ASB18: variants seen among roughly 807,000 people sequenced by gnomAD.
The protein encoded by ASB18 is ankyrin repeat and SOCS box protein 18.
A neutral mutation model predicts 33.4 loss-of-function variants in ASB18; 33 were observed. The ratio of observed to expected loss-of-function variants is 0.99; its 90% CI spans 0.75 to 1.32. The LOEUF is 1.32. Ranked by LOEUF, ASB18 falls within the 40% of genes most tolerant of loss-of-function variation. The pLI is 0.00. For missense variants in ASB18, 694 were observed against 655.5 expected, an observed-to-expected ratio of 1.06 and a Z score of -0.64; for synonymous variants, 295 against 307.6, an observed-to-expected ratio of 0.96 and a Z score of 0.43.
intron 3 of ASB18, among the ~76,000 whole-genome samples, chr2:236,236,877 C>T (rs1454796456): frequency 6.6e-6 from 1 of 152,234 alleles, no homozygotes; most frequent in African/African-American, 2.4e-5. Context: ...ACTCCAAGGG[C>T]AGGGGCTGGA....
chr2:236,208,952 T>A lies in ASB18; in HGVS notation c.1101+5410A>T, dbSNP rs1370251113. Among the ~76,000 whole-genome samples, 2 of 152,154 alleles carry A rather than the reference T, an allele frequency of 1.3e-5. No homozygotes were observed. The highest frequency in any genetic ancestry group is 2.9e-5 in the Non-Finnish European group (2 of 68,032). On this transcript the variant is annotated intron_variant, in intron 4 of 5. Coordinates refer to ENST00000409749, the MANE Select transcript of ASB18 (RefSeq NM_212556.4). This position sits in a 1 kb window ranked among gnomAD's most constrained non-coding sequence, Gnocchi z 7.7. ...AAGGGGAAAAATCACACAGGCACATTGCTTTATATGTAGATGGAGAAATAA... is the reference window on the plus strand; with the variant it reads ...AAGGGGAAAAATCACACAGGCACATAGCTTTATATGTAGATGGAGAAATAA...
chr2:236,257,567 T>C lies in ASB18; in HGVS notation c.205+6574A>G, dbSNP rs569829119. Among the ~76,000 whole-genome samples the C allele has an allele frequency of 1.3e-5, 2 of 152,330 alleles. No homozygotes were observed. Among genetic ancestry groups the C allele is most frequent in the Admixed American group, 1.3e-4 (2 of 15,300 alleles). Reference sequence around the variant, plus strand: ...GTGTGTGCGTGTGTACATATGCATATGTATGCTTCATGTCAGATTAAAGGG... The same window carrying C: ...GTGTGTGCGTGTGTACATATGCATACGTATGCTTCATGTCAGATTAAAGGG... On this transcript the variant is annotated intron_variant, in intron 1 of 5. Transcript: ENST00000409749. The surrounding 1 kb of genome is among the most constrained non-coding windows in gnomAD (Gnocchi z 5.5).
Position 236,214,480 on chromosome 2 carries a change from G to A in ASB18, c.983C>T (p.Ser328Leu). ...GGTCTGGAGCACGCGGCCCAGCGGC[G>A]AGGCCCCGCCATAGTCGAGCGCGCC... ...DAGALDYGGA[S>L]PLGRVLQTAS... is the part of the protein sequence containing the mutation. The change falls in exon 4 of 6, where the codon TCG becomes TTG. Residue 328 changes from serine to leucine, a missense_variant. Physicochemically the swap from Ser to Leu is moderately radical, Grantham distance 145. Transcript: ENST00000409749. This position sits in a 1 kb window ranked among gnomAD's most constrained non-coding sequence, Gnocchi z 6.5. 1 of 1,505,210 alleles carries A rather than the reference G, an allele frequency of 6.6e-7. No homozygotes were observed. Among genetic ancestry groups the A allele is most frequent in the Non-Finnish European group, 8.8e-7 (1 of 1,133,128 alleles). The allele number at this position is 1,505,210 out of a possible 1,614,324, so 93.2% of individuals were successfully genotyped here.
chr2:236,243,664 G>T (rs935955989), intron 1 of ASB18, among the ~76,000 whole-genome samples: 2 of 146,068 alleles, frequency 1.4e-5, no homozygotes, highest in Non-Finnish European at 3.0e-5. Flanking sequence ...TGCATCCCTT[G>T]CTGAAGATGA....
intron 4 of ASB18, among the ~76,000 whole-genome samples, chr2:236,199,698 A>G (rs1382812622): frequency 6.6e-6 from 1 of 151,916 alleles, no homozygotes; most frequent in African/African-American, 2.4e-5. Context: ...AAATCTCTTA[A>G]TAAATTTGGT....
intron 4 of ASB18, among the ~76,000 whole-genome samples, chr2:236,197,956 G>C (rs2060382223): frequency 6.6e-6 from 1 of 152,162 alleles, no homozygotes; most frequent in African/African-American, 2.4e-5. Flanking sequence ...TTGGTTGAGA[G>C]ACCAGAGGTT....
Position 236,237,952 on chromosome 2 carries a change from G to T in ASB18, c.333C>A (p.Leu111=). The T allele has an allele frequency of 1.3e-6, 2 of 1,498,424 alleles. No individual in the cohort carries two copies. Among genetic ancestry groups the T allele is most frequent in the Admixed American group, 2.2e-5 (1 of 45,628 alleles). 92.8% of individuals were successfully genotyped at this position (1,498,424 alleles called of 1,614,324 possible). The change falls in exon 3 of 6, where the codon CTC becomes CTA. Residue 111 remains leucine (L), a synonymous_variant. Transcript: ENST00000409749. This position sits in a 1 kb window ranked among gnomAD's most constrained non-coding sequence, Gnocchi z 6.2. ...KSPATFGLSG[L]WTLEYKRELT... ...GCTCACGCTTGTACTCCAGGGTCCA[G>T]AGGCCTGCGGGGAGGGAGGTGGGAT...
rs1339228093 is a variant in ASB18, at chr2:236,209,347, A to G, written c.1101+5015T>C. On this transcript the variant is annotated intron_variant, in intron 4 of 5. Transcript: ENST00000409749. This position sits in a 1 kb window ranked among gnomAD's most constrained non-coding sequence, Gnocchi z 4.4. ...GAGTGTAGTATTGCAATCATGGCTC[A>G]CTGCAGCTTCCACCCCCTGGGTTTA... Among the ~76,000 whole-genome samples the G allele has an allele frequency of 6.7e-6, 1 of 150,100 alleles. No individual in the cohort carries two copies. The highest frequency in any genetic ancestry group is 6.7e-5 in the Admixed American group (1 of 14,910).
chr2:236,211,578 T>C lies in ASB18; in HGVS notation c.1101+2784A>G, dbSNP rs538116805. On this transcript the variant is annotated intron_variant, in intron 4 of 5. Transcript: ENST00000409749. This position sits in a 1 kb window ranked among gnomAD's most constrained non-coding sequence, Gnocchi z 5.0. Reference sequence around the variant, plus strand: ...CCACGGACGGCTTGCCCTGTGACAGTGCTGGTGACTCTACGCTCGGCTCGC... The same window carrying C: ...CCACGGACGGCTTGCCCTGTGACAGCGCTGGTGACTCTACGCTCGGCTCGC... Among the ~76,000 whole-genome samples the C allele has an allele frequency of 6.6e-6, 1 of 152,236 alleles. No individual in the cohort carries two copies. The highest frequency in any genetic ancestry group is 1.5e-5 in the Non-Finnish European group (1 of 68,036).
At chr2:236,254,675 A>G (rs925567185) in intron 1 of ASB18, among the ~76,000 whole-genome samples, 1 of 151,480 alleles carries the variant, frequency 6.6e-6, no homozygotes, top group African/African-American at 2.4e-5. Flanking sequence ...ATATTTTTCT[A>G]TTGATGTTTT....
intron 1 of ASB18, among the ~76,000 whole-genome samples, chr2:236,246,508 A>AT (rs543292531): frequency 0.018 from 2,698 of 150,456 alleles, 42 homozygotes; most frequent in Non-Finnish European, 0.03. Context: ...AACAGCAGAG[A>AT]TTTTTTTTTT....
At position 236,237,923 on chromosome 2, in the gene ASB18, G is replaced by T; in HGVS notation, c.362C>A (p.Thr121Asn). 6.6e-7 allele frequency: 1 copy of T among 1,506,180 alleles called. No homozygotes were observed. The highest frequency in any genetic ancestry group is 8.8e-7 in the Non-Finnish European group (1 of 1,133,620). The allele number at this position is 1,506,180 out of a possible 1,614,324, so 93.3% of individuals were successfully genotyped here. A position where few individuals can be genotyped will look rare whatever the true frequency, so the allele number is the denominator to read the frequency against. ...GGCCGCGGCGATGCACAGGGGCGTG[G>T]TGAGCTCACGCTTGTACTCCAGGGT... ...LWTLEYKRELTTPLCIAAAHG... is the reference protein window; with the variant it reads ...LWTLEYKRELNTPLCIAAAHG... Residue 121 changes from threonine to asparagine, a missense_variant, in exon 3 of 6, where the codon ACC becomes AAC. Coordinates refer to ENST00000409749, the MANE Select transcript of ASB18 (RefSeq NM_212556.4). The surrounding 1 kb of genome is among the most constrained non-coding windows in gnomAD (Gnocchi z 6.2).
rs1291336729 is a variant in ASB18 at position 236,204,492 on chromosome 2, CT to C, written c.1102-8108del. On this transcript the variant is annotated intron_variant, in intron 4 of 5. Coordinates refer to ENST00000409749, the MANE Select transcript of ASB18 (RefSeq NM_212556.4). This position sits in a 1 kb window ranked among gnomAD's most constrained non-coding sequence, Gnocchi z 5.1. ...TACTCTCACTTGCTGGTGATCTTATCTGGTTTCCTGGCTTTAAATACCATCC... is the reference window on the plus strand; with the variant it reads ...TACTCTCACTTGCTGGTGATCTTATCGGTTTCCTGGCTTTAAATACCATCC... Among the ~76,000 whole-genome samples, 1 of 152,198 alleles carries C rather than the reference CT, an allele frequency of 6.6e-6. No homozygotes were observed. Among genetic ancestry groups the C allele is most frequent in the African/African-American group, 2.4e-5 (1 of 41,444 alleles).
rs2060725595 is a variant in ASB18, at chr2:236,262,816, G to C, written c.205+1325C>G. ...CCAAGGTGAAGAGGAAGCAAGAGAA[G>C]GTTCCTCCCTAAAGCGACTTGCTTA... On this transcript the variant is annotated intron_variant, in intron 1 of 5. Transcript: ENST00000409749. The surrounding 1 kb of genome is among the most constrained non-coding windows in gnomAD (Gnocchi z 5.2). Among the ~76,000 whole-genome samples the C allele has an allele frequency of 6.6e-6, 1 of 152,270 alleles. No individual in the cohort carries two copies. Among genetic ancestry groups the C allele is most frequent in the East Asian group, 1.9e-4 (1 of 5,162 alleles).
At position 236,241,950 on chromosome 2, in the gene ASB18, G is replaced by A. The variant is rs567155428; in HGVS notation, c.206-548C>T. On this transcript the variant is annotated intron_variant, in intron 1 of 5. Coordinates refer to ENST00000409749, the MANE Select transcript of ASB18 (RefSeq NM_212556.4). This position sits in a 1 kb window ranked among gnomAD's most constrained non-coding sequence, Gnocchi z 4.2. The stretch of plus-strand genomic sequence containing the variant: ...CTTACAAAAATGACTTTGGTGACCA[G>A]AATACTTAGCAAATAAGTAATATCC... 5.9e-5 allele frequency among the ~76,000 whole-genome samples: 9 copies of A among 152,188 alleles called. No individual in the cohort carries two copies. Among genetic ancestry groups the A allele is most frequent in the African/African-American group, 2.2e-4 (9 of 41,510 alleles).
intron 4 of ASB18, among the ~76,000 whole-genome samples, chr2:236,206,802 G>C (rs1281444130): frequency 6.6e-6 from 1 of 152,210 alleles, no homozygotes; most frequent in Non-Finnish European, 1.5e-5. Flanking sequence ...CTAGAGATTA[G>C]CGAAATAGAA....
rs1246131743 is a variant in ASB18, at chr2:236,263,076, G to A, written c.205+1065C>T. On this transcript the variant is annotated intron_variant, in intron 1 of 5. Coordinates refer to ENST00000409749, the MANE Select transcript of ASB18 (RefSeq NM_212556.4). The surrounding 1 kb of genome is among the most constrained non-coding windows in gnomAD (Gnocchi z 4.0). ...ACCTATGTTGGGAGGGAGAATGGGGGTGGAAAGGAGCCCTCAGCATCCCTT... is the reference window on the plus strand; with the variant it reads ...ACCTATGTTGGGAGGGAGAATGGGGATGGAAAGGAGCCCTCAGCATCCCTT... Among the ~76,000 whole-genome samples the A allele has an allele frequency of 1.3e-5, 2 of 152,210 alleles. No individual in the cohort carries two copies. The highest frequency in any genetic ancestry group is 4.8e-5 in the African/African-American group (2 of 41,454).
Position 236,219,082 on chromosome 2 carries a change from C to G in ASB18, c.597-4216G>C, listed in dbSNP as rs114296469. Among the ~76,000 whole-genome samples the G allele has an allele frequency of 0.023, 3,491 of 151,850 alleles. 150 individuals are homozygous for G. The highest frequency in any genetic ancestry group is 0.08 in the African/African-American group (3,300 of 41,366). On this transcript the variant is annotated intron_variant, in intron 3 of 5. Transcript: ENST00000409749. This position sits in a 1 kb window ranked among gnomAD's most constrained non-coding sequence, Gnocchi z 6.4. The stretch of plus-strand genomic sequence containing the variant: ...GTATTGACAGGGTCTTGCTATGTTT[C>G]CCAGGCTGCTCTCAAACTCCTGGGC...
rs760902821 is a variant in ASB18, at chr2:236,237,914, A to AG, written c.370dup (p.Leu124ProfsTer278). 1.3e-6 allele frequency: 2 copies of AG among 1,504,260 alleles called. No homozygotes were observed. Among genetic ancestry groups the AG allele is most frequent in the South Asian group, 2.4e-5 (2 of 82,136 alleles). 93.2% of individuals were successfully genotyped at this position (1,504,260 alleles called of 1,614,324 possible). ...GTGGCCGTGGGCCGCGGCGATGCACAGGGGCGTGGTGAGCTCACGCTTGTA... is the reference window on the plus strand; with the variant it reads ...GTGGCCGTGGGCCGCGGCGATGCACAGGGGGCGTGGTGAGCTCACGCTTGTA... On this transcript the variant is annotated frameshift_variant, in exon 3 of 6. Coordinates refer to ENST00000409749, the MANE Select transcript of ASB18 (RefSeq NM_212556.4). LOFTEE classifies it high-confidence loss of function. The surrounding 1 kb of genome is among the most constrained non-coding windows in gnomAD (Gnocchi z 6.2).
Sources: gnomAD v4.1 joint callset for allele counts (sites outside exome capture counted in the v4.1 genomes callset) on GRCh38, gnomAD v4.1.1 for gene constraint, Gnocchi (gnomAD v3.1) non-coding constraint, MANE v1.5 for transcripts, NCBI Gene and HGNC (gene_info 2026-07-23, HGNC 2026-07-21) for gene names.